UBR3: variants seen among roughly 807,000 people sequenced by gnomAD.
UBR3 encodes ubiquitin protein ligase E3 component n-recognin 3, also known as E3 ubiquitin-protein ligase UBR3.
A neutral mutation model predicts 243.2 loss-of-function variants in UBR3; 85 were observed. The observed-to-expected ratio is 0.35, with a 90% CI of 0.29 to 0.42. The LOEUF (loss-of-function observed/expected upper bound fraction) is 0.42, where lower values mean the gene tolerates loss of function less well. Among genes scored for constraint, UBR3 ranks in the 10% least tolerant of loss-of-function variants. The pLI, the probability that UBR3 is intolerant of heterozygous loss-of-function variation, is 1.00. For synonymous variants in UBR3, 748 were observed against 799.8 expected (o/e 0.94, Z 1.09); for missense variants, 1,686 against 2,300.8 (o/e 0.73, Z 5.47).
intron 1 of UBR3, among the ~76,000 whole-genome samples, chr2:169,857,062 A>ATT (rs1553494582): frequency 7.0e-5 from 2 of 28,502 alleles, no homozygotes; most frequent in Admixed American, 4.5e-4. Flanking sequence ...TAATTTTATT[A>ATT]TGTTTTTTTT....
intron 28 of UBR3, among the ~76,000 whole-genome samples, chr2:170,007,870 A>G (rs1235508242): frequency 6.6e-6 from 1 of 152,104 alleles, no homozygotes; most frequent in Non-Finnish European, 1.5e-5. Flanking sequence ...TCTCAAAATA[A>G]AAAAGATGTT....
At chr2:169,906,187 A>G (rs2085002561) in intron 10 of UBR3, 23 bp downstream of exon 10, 1 of 1,525,258 alleles carries the variant, frequency 6.6e-7, no homozygotes, top group Admixed American at 2.3e-5. Flanking sequence ...TATTTTTGTT[A>G]ATTTCTGTGT....
intron 1 of UBR3, among the ~76,000 whole-genome samples, chr2:169,843,484 C>T (rs1371144607): frequency 6.6e-6 from 1 of 152,202 alleles, no homozygotes; most frequent in Non-Finnish European, 1.5e-5. Flanking sequence ...GTAATCACTT[C>T]CCCAAAGGCC....
chr2:169,986,547 A>T, intron 24 of UBR3, 98 bp from the exon 25 acceptor site: 1 of 1,144,528 alleles, frequency 8.7e-7, no homozygotes, highest in Non-Finnish European at 1.2e-6. Context: ...ATTGATATTG[A>T]AGCTAAAAAT....
At chr2:169,920,334 G>C (rs1365792252) in intron 11 of UBR3, among the ~76,000 whole-genome samples, 1 of 152,162 alleles carries the variant, frequency 6.6e-6, no homozygotes, top group Admixed American at 6.5e-5. Flanking sequence ...AGGGAGGGGA[G>C]AGGGACAGCA....
intron 1 of UBR3, among the ~76,000 whole-genome samples, chr2:169,842,042 T>C (rs906347901): frequency 8.3e-4 from 126 of 152,280 alleles, no homozygotes; most frequent in African/African-American, 2.7e-3. Flanking sequence ...AGCTCAGGGA[T>C]TGTAAATACA....
At chr2:169,859,099 T>C (rs1260213542) in intron 1 of UBR3, among the ~76,000 whole-genome samples, 1 of 145,994 alleles carries the variant, frequency 6.8e-6, no homozygotes, top group Admixed American at 6.8e-5. Context: ...TTTTTTTTTT[T>C]TTTTGAGATG....
At chr2:169,889,116 C>T (rs962637171) in intron 5 of UBR3, among the ~76,000 whole-genome samples, 2 of 152,144 alleles carry the variant, frequency 1.3e-5, no homozygotes, top group African/African-American at 4.8e-5. Flanking sequence ...TTCCCACCAG[C>T]TCAGATGCAG....
At chr2:169,865,556 T>G (rs1324836708) in intron 1 of UBR3, among the ~76,000 whole-genome samples, 3 of 152,204 alleles carry the variant, frequency 2.0e-5, no homozygotes. Context: ...TGGTACTCTG[T>G]TCAAATTTTT....
intron 32 of UBR3, among the ~76,000 whole-genome samples, chr2:170,054,484 A>G (rs1171277703): frequency 2.0e-5 from 3 of 151,918 alleles, no homozygotes; most frequent in Non-Finnish European, 4.4e-5. Context: ...GGGTTTCACT[A>G]TGTTGGCCAG....
rs183819160 is a variant in UBR3 at position 170,023,526 on chromosome 2, C to T, written c.4454-5820C>T. Among the ~76,000 whole-genome samples, 302 of 152,234 alleles carry T rather than the reference C, an allele frequency of 2.0e-3. 3 individuals are homozygous for T. The highest frequency in any genetic ancestry group is 7.0e-3 in the African/African-American group (290 of 41,542). On this transcript the variant is annotated intron_variant, in intron 30 of 38. Coordinates refer to ENST00000272793, the MANE Select transcript of UBR3 (RefSeq NM_172070.4). ...CTGGGTTCAAGCAATTCTCCTGCCT[C>T]AGCCTCCAAAGTAGCTGGGATTACA...
At chr2:169,924,991 G>T (rs1206468362) in intron 13 of UBR3, among the ~76,000 whole-genome samples, 1 of 152,056 alleles carries the variant, frequency 6.6e-6, no homozygotes, top group East Asian at 1.9e-4. Flanking sequence ...CCAAGATCGC[G>T]CCACTGCACT....
chr2:169,991,353 A>G (rs2089266285), intron 25 of UBR3, among the ~76,000 whole-genome samples: 1 of 152,180 alleles, frequency 6.6e-6, no homozygotes, highest in African/African-American at 2.4e-5. Context: ...CTTATATAGA[A>G]CACTCCACCC....
intron 33 of UBR3, 151 bp downstream of exon 33, chr2:170,055,735 T>A: frequency 1.1e-6 from 1 of 945,966 alleles, no homozygotes; most frequent in Non-Finnish European, 1.5e-6. Context: ...TTTAAAATGT[T>A]TTCACTAAAC....
At chr2:170,003,905 G>T (rs2089811172) in intron 27 of UBR3, among the ~76,000 whole-genome samples, 1 of 152,212 alleles carries the variant, frequency 6.6e-6, no homozygotes, top group Non-Finnish European at 1.5e-5. Flanking sequence ...CTCCCAAAGT[G>T]CTAGGATTAC....
At position 169,925,955 on chromosome 2, in the gene UBR3, G is replaced by A. The variant is rs529301699; in HGVS notation, c.2151+208G>A. On this transcript the variant is annotated intron_variant, in intron 14 of 38. Transcript: ENST00000272793. ...CCAGATTTTGGTCAAGAGGCAGAAA[G>A]GAGTGAGGGGAGAGCCTAGGCCAGA... Among the ~76,000 whole-genome samples, 28 of 152,322 alleles carry A rather than the reference G, an allele frequency of 1.8e-4. No individual in the cohort carries two copies. In the South Asian group the frequency reaches 5.8e-3, roughly 32 times the overall value.
intron 18 of UBR3, among the ~76,000 whole-genome samples, chr2:169,930,061 T>C (rs760932951): frequency 2.6e-5 from 4 of 152,120 alleles, no homozygotes; most frequent in Non-Finnish European, 5.9e-5. Context: ...TAAAATTAGA[T>C]GAATTTGGGA....
In UBR3 at chr2:169,905,160, A is replaced by C; in HGVS notation, c.1512A>C (p.Leu504Phe). The C allele has an allele frequency of 6.5e-7, 1 of 1,543,468 alleles. No homozygotes were observed. Among genetic ancestry groups the C allele is most frequent in the South Asian group, 1.2e-5 (1 of 81,560 alleles). Residue 504 changes from leucine to phenylalanine, a missense_variant, in exon 9 of 39, where the codon TTA (leucine) becomes TTC (phenylalanine). By Grantham distance (22) the Leu-to-Phe change is conservative (BLOSUM62 0). Around this residue, in one of 8 missense-constraint regions of UBR3, gnomAD observed 346 missense variants for 585.8 expected, o/e 0.59. Coordinates refer to ENST00000272793, the MANE Select transcript of UBR3 (RefSeq NM_172070.4). ...LHVVVNCGEALLKNNTYWPLV... is the reference protein window; with the variant it reads ...LHVVVNCGEAFLKNNTYWPLV... Reference sequence around the variant, plus strand: ...TGGTAGTGAACTGTGGAGAAGCATTACTGAAGAATAACACTTACTGGCCTC... The same window carrying C: ...TGGTAGTGAACTGTGGAGAAGCATTCCTGAAGAATAACACTTACTGGCCTC...
chr2:169,945,653 G>A, intron 20 of UBR3, among the ~76,000 whole-genome samples: 1 of 152,216 alleles, frequency 6.6e-6, no homozygotes, highest in East Asian at 1.9e-4. Context: ...GTTACTTGTG[G>A]TATTTTAGGT....
Sources: gnomAD v4.1 joint callset for allele counts (sites outside exome capture counted in the v4.1 genomes callset) on GRCh38, gnomAD v4.1.1 for gene constraint, gnomAD v4.1.1 regional missense constraint, MANE v1.5 for transcripts, NCBI Gene and HGNC (gene_info 2026-07-23, HGNC 2026-07-21) for gene names.